NTNG1: variants seen among roughly 807,000 people sequenced by gnomAD.
NTNG1 encodes the protein netrin G1, also known as netrin-G1.
NTNG1 carries 16 observed loss-of-function variants against 54.0 expected under a neutral mutation model. The observed-to-expected ratio is 0.30, with a 90% CI of 0.20 to 0.45. The LOEUF (loss-of-function observed/expected upper bound fraction) is 0.45, where lower values mean the gene tolerates loss of function less well. Among genes scored for constraint, NTNG1 ranks in the 20% least tolerant of loss-of-function variants. The pLI is 1.00. For synonymous variants in NTNG1, 255 were observed against 263.1 expected (o/e 0.97, Z 0.30); for missense variants, 530 against 678.7 (o/e 0.78, Z 2.43).
At chr1:107,437,055 C>T (rs1482384968) in intron 7 of NTNG1, among the ~76,000 whole-genome samples, 2 of 152,180 alleles carry the variant, frequency 1.3e-5, no homozygotes, top group Non-Finnish European at 1.5e-5. Flanking sequence ...TCCATATACC[C>T]GTCCAGACCA....
intron 6 of NTNG1, among the ~76,000 whole-genome samples, chr1:107,436,348 A>G (rs1409484053): frequency 6.6e-6 from 1 of 152,230 alleles, no homozygotes; most frequent in Non-Finnish European, 1.5e-5. Flanking sequence ...TGATATACAA[A>G]CTTCTCATGG....
At chr1:107,473,815 T>A (rs1439583072) in intron 7 of NTNG1, among the ~76,000 whole-genome samples, 1 of 152,198 alleles carries the variant, frequency 6.6e-6, no homozygotes, top group Admixed American at 6.5e-5. Flanking sequence ...TACAACACCT[T>A]GCTGACTTCA....
At chr1:107,361,640 G>A (rs1292953123) in intron 3 of NTNG1, among the ~76,000 whole-genome samples, 8 of 151,592 alleles carry the variant, frequency 5.3e-5, no homozygotes, top group African/African-American at 7.3e-5. Context: ...CACCCGCCTC[G>A]GCCTCCCAAA....
intron 3 of NTNG1, among the ~76,000 whole-genome samples, chr1:107,356,626 A>G (rs1375658825): frequency 6.6e-6 from 1 of 152,096 alleles, no homozygotes; most frequent in Non-Finnish European, 1.5e-5. Flanking sequence ...ATTTATAAGA[A>G]TGATTTTTTT....
chr1:107,190,002 G>C (rs1657785668), intron 2 of NTNG1, among the ~76,000 whole-genome samples: 1 of 152,064 alleles, frequency 6.6e-6, no homozygotes, highest in Admixed American at 6.6e-5. Flanking sequence ...ATGAAATTTT[G>C]ATACATGCTA....
intron 7 of NTNG1, 30 bp downstream of exon 7, chr1:107,436,829 T>C: frequency 1.2e-6 from 2 of 1,608,336 alleles, no homozygotes; most frequent in African/African-American, 1.3e-5. Flanking sequence ...GCCCTCTGCC[T>C]GCTGCAGCAT....
intron 5 of NTNG1, among the ~76,000 whole-genome samples, chr1:107,412,884 G>A (rs1420866089): frequency 6.6e-6 from 1 of 152,092 alleles, no homozygotes; most frequent in African/African-American, 2.4e-5. Context: ...TGCCTACTCT[G>A]CGACAGTAAA....
At chr1:107,397,600 A>G (rs1466785043) in intron 4 of NTNG1, among the ~76,000 whole-genome samples, 2 of 152,202 alleles carry the variant, frequency 1.3e-5, no homozygotes, top group Non-Finnish European at 1.5e-5. Context: ...AAGCTAACGC[A>G]TGTCATATGT....
intron 2 of NTNG1, among the ~76,000 whole-genome samples, chr1:107,264,875 C>T (rs1025120233): frequency 2.0e-5 from 3 of 152,048 alleles, no homozygotes; most frequent in African/African-American, 7.2e-5. Context: ...GCTTGTTTCC[C>T]CCGAAATAAA....
chr1:107,480,574 G>GCCCCCCCC, intron 7 of NTNG1, 37 bp from the exon 8 acceptor site: 12 of 324,084 alleles, frequency 3.7e-5, no homozygotes, highest in East Asian at 2.6e-4. Flanking sequence ...TCTCCTCCCC[G>GCCCCCCCC]CGCCCACCCA....
At chr1:107,232,134 A>T (rs1415675308) in intron 2 of NTNG1, among the ~76,000 whole-genome samples, 1 of 152,198 alleles carries the variant, frequency 6.6e-6, no homozygotes, top group Non-Finnish European at 1.5e-5. Flanking sequence ...CACAATGTGT[A>T]ACCTTCTTTA....
intron 2 of NTNG1, among the ~76,000 whole-genome samples, chr1:107,247,786 T>A (rs1243466892): frequency 6.6e-6 from 1 of 152,226 alleles, no homozygotes; most frequent in Non-Finnish European, 1.5e-5. Flanking sequence ...GAAGCAAATC[T>A]CAGCTGTGGG....
At chr1:107,396,776 T>C (rs757384937) in intron 4 of NTNG1, among the ~76,000 whole-genome samples, 24 of 152,188 alleles carry the variant, frequency 1.6e-4, no homozygotes, top group Non-Finnish European at 3.1e-4. Flanking sequence ...GCTCCTTCTT[T>C]AGTAGAAAAG....
chr1:107,251,039 A>G (rs112954827), intron 2 of NTNG1, among the ~76,000 whole-genome samples: 1 of 152,260 alleles, frequency 6.6e-6, no homozygotes, highest in Non-Finnish European at 1.5e-5. Context: ...AATTTTAAGA[A>G]CAAAATGTTG....
At chr1:107,434,356 C>T (rs1675466375) in intron 6 of NTNG1, among the ~76,000 whole-genome samples, 1 of 152,166 alleles carries the variant, frequency 6.6e-6, no homozygotes, top group East Asian at 1.9e-4. Flanking sequence ...TCTACAAATT[C>T]CAAACACAGC....
At chr1:107,227,974 T>C (rs991229634) in intron 2 of NTNG1, among the ~76,000 whole-genome samples, 7 of 152,188 alleles carry the variant, frequency 4.6e-5, no homozygotes, top group Admixed American at 2.0e-4. Flanking sequence ...AATGAAAACA[T>C]TCACTTTAGC....
At chr1:107,464,702 A>C (rs767865553) in intron 7 of NTNG1, among the ~76,000 whole-genome samples, 4 of 152,204 alleles carry the variant, frequency 2.6e-5, no homozygotes, top group Non-Finnish European at 5.9e-5. Flanking sequence ...CTTCAGCCTC[A>C]GGCCAAGTTC....
rs545823549 is a variant in NTNG1 at position 107,483,013 on chromosome 1, C to T, written c.*2173C>T. 2 of 152,156 alleles carry T rather than the reference C, an allele frequency of 1.3e-5. No homozygotes were observed. The highest frequency in any genetic ancestry group is 4.8e-5 in the African/African-American group (2 of 41,522). The allele number at this position is 152,156 out of a possible 1,614,324, so 9.4% of individuals were successfully genotyped here. ...TGGCCAACCAGAAATTGGAGATTTA[C>T]GTTGGAAGCATAAATAGAAAATTAT... On this transcript the variant is annotated 3_prime_UTR_variant, in exon 8 of 8. Coordinates refer to ENST00000370068, the MANE Select transcript of NTNG1 (RefSeq NM_001113226.3).
intron 3 of NTNG1, among the ~76,000 whole-genome samples, chr1:107,351,660 C>T (rs1192797114): frequency 6.6e-6 from 1 of 152,136 alleles, no homozygotes; most frequent in Non-Finnish European, 1.5e-5. Context: ...TCATTCTGCC[C>T]CTGGCCCTTC....
Sources: gnomAD v4.1 joint callset for allele counts (sites outside exome capture counted in the v4.1 genomes callset) on GRCh38, gnomAD v4.1.1 for gene constraint, MANE v1.5 for transcripts, NCBI Gene and HGNC (gene_info 2026-07-23, HGNC 2026-07-21) for gene names.